The following ENAH variants were observed in gnomAD, a reference collection of about 807,000 sequenced individuals.
The protein encoded by ENAH is protein enabled homolog.
Under a neutral mutation model 78.7 loss-of-function variants are expected in ENAH, and 23 were observed. That is an observed-to-expected ratio of 0.29 (90% CI 0.21 to 0.41). The LOEUF (loss-of-function observed/expected upper bound fraction) is 0.41. ENAH is among the 10% of genes least tolerant of loss of function. The pLI is 1.00. For missense variants in ENAH, 544 were observed against 691.0 expected, an observed-to-expected ratio of 0.79 and a Z score of 2.39; for synonymous variants, 226 against 241.0, an observed-to-expected ratio of 0.94 and a Z score of 0.58.
At chr1:225,629,542 A>G (rs1268127425) in intron 1 of ENAH, among the ~76,000 whole-genome samples, 1 of 151,770 alleles carries the variant, frequency 6.6e-6, no homozygotes, top group East Asian at 1.9e-4. Flanking sequence ...AGCCGAGATC[A>G]TGCCACTGCA....
chr1:225,546,317 T>C (rs1176477674), intron 3 of ENAH, among the ~76,000 whole-genome samples: 4 of 152,188 alleles, frequency 2.6e-5, no homozygotes, highest in Non-Finnish European at 5.9e-5. Flanking sequence ...AATTATTAGA[T>C]ATAATTTCAA....
At chr1:225,540,519 T>A (rs1319941852) in intron 3 of ENAH, among the ~76,000 whole-genome samples, 1 of 151,864 alleles carries the variant, frequency 6.6e-6, no homozygotes, top group African/African-American at 2.4e-5. Context: ...GGGGAAAAAA[T>A]GAAGGCAGTG....
At chr1:225,582,382 C>T (rs2096823389) in intron 1 of ENAH, among the ~76,000 whole-genome samples, 1 of 152,134 alleles carries the variant, frequency 6.6e-6, no homozygotes, top group East Asian at 1.9e-4. Context: ...TGCAGGAAGG[C>T]ACTGGAGAAT....
At chr1:225,522,025 G>A (rs904705772) in intron 4 of ENAH, among the ~76,000 whole-genome samples, 1 of 152,126 alleles carries the variant, frequency 6.6e-6, no homozygotes, top group Admixed American at 6.5e-5. Flanking sequence ...TCGATCTCCT[G>A]ACCTCATGAT....
chr1:225,565,048 G>C (rs907080010), intron 2 of ENAH, among the ~76,000 whole-genome samples: 3 of 152,034 alleles, frequency 2.0e-5, no homozygotes, highest in Admixed American at 1.3e-4. Flanking sequence ...AATGTTTTAA[G>C]AAACATTCTA....
At chr1:225,611,050 C>T (rs2096985717) in intron 1 of ENAH, among the ~76,000 whole-genome samples, 2 of 152,254 alleles carry the variant, frequency 1.3e-5, no homozygotes, top group South Asian at 4.1e-4. Context: ...TGACGCTGTT[C>T]TGGGTCAGGT....
chr1:225,491,502 AAAAAAG>A lies in ENAH; in HGVS notation c.*6267_*6272del, dbSNP rs1223344627. On this transcript the variant is annotated 3_prime_UTR_variant, in exon 14 of 14. Coordinates refer to ENST00000366843, the MANE Select transcript of ENAH (RefSeq NM_018212.6). ...TAAAAAAAAAAATAAAAGAAAAAGAAAAAAAGAAAAGAGGTTTCACAGATGTGACTA... is the reference window on the plus strand; with the variant it reads ...TAAAAAAAAAAATAAAAGAAAAAGAAAAAAGAGGTTTCACAGATGTGACTA... The A allele has an allele frequency of 6.6e-6, 1 of 151,340 alleles. No individual in the cohort carries two copies. Among genetic ancestry groups the A allele is most frequent in the Non-Finnish European group, 1.5e-5 (1 of 67,962 alleles). The allele number at this position is 151,340 out of a possible 1,614,324, so 9.4% of individuals were successfully genotyped here. A position where few individuals can be genotyped will look rare whatever the true frequency, so the allele number is the denominator to read the frequency against.
chr1:225,535,910 C>G (rs1210622065), intron 3 of ENAH, among the ~76,000 whole-genome samples: 2 of 151,914 alleles, frequency 1.3e-5, no homozygotes, highest in Non-Finnish European at 2.9e-5. Context: ...GTAGAGGAAG[C>G]CAAGATCTGT....
chr1:225,539,503 T>C (rs990167773), intron 3 of ENAH, among the ~76,000 whole-genome samples: 5 of 152,216 alleles, frequency 3.3e-5, no homozygotes, highest in Admixed American at 3.3e-4. Context: ...TACATTAGCA[T>C]CATCTAATTA....
chr1:225,648,722 T>C (rs1015323444), intron 1 of ENAH, among the ~76,000 whole-genome samples: 1 of 151,442 alleles, frequency 6.6e-6, no homozygotes, highest in Non-Finnish European at 1.5e-5. Flanking sequence ...CACTTGACAC[T>C]TCACAAAACA....
At chr1:225,515,156 CTT>C (rs954466845) in intron 6 of ENAH, 1 of 368,698 alleles carries the variant, frequency 2.7e-6, no homozygotes, top group Non-Finnish European at 4.8e-6. Flanking sequence ...CTAATTAAGA[CTT>C]TTTTTTTTCA....
chr1:225,514,840 T>C lies in ENAH; in HGVS notation c.974A>G (p.Gln325Arg), dbSNP rs745538039. 5 of 1,594,664 alleles carry C rather than the reference T, an allele frequency of 3.1e-6. No individual in the cohort carries two copies. Among genetic ancestry groups the C allele is most frequent in the South Asian group, 2.3e-5 (2 of 88,342 alleles). The change falls in exon 7 of 14, where the codon CAG becomes CGG. Residue 325 changes from glutamine (Q) to arginine (R), a missense_variant. By Grantham distance (43) the Gln-to-Arg change is conservative (BLOSUM62 1). Coordinates refer to ENST00000366843, the MANE Select transcript of ENAH (RefSeq NM_018212.6). The part of the protein sequence containing the change: ...PPPPLPPGPA[Q>R]ASVALPPPPG... Reference sequence around the variant, plus strand: ...GGGAGGAGGGAGGGCTACTGAAGCCTGTGCAGGCCCTGGTGGGAGTGGTGG... The same window carrying C: ...GGGAGGAGGGAGGGCTACTGAAGCCCGTGCAGGCCCTGGTGGGAGTGGTGG...
chr1:225,650,330 G>T (rs1662726043), intron 1 of ENAH, among the ~76,000 whole-genome samples: 1 of 152,164 alleles, frequency 6.6e-6, no homozygotes, highest in Admixed American at 6.5e-5. Flanking sequence ...ACATCAGCGT[G>T]GTTCCTCTCT....
intron 1 of ENAH, 55 bp downstream of exon 1, chr1:225,652,631 T>TCGCGGCTCC (rs1663251355): frequency 8.0e-7 from 1 of 1,253,816 alleles, no homozygotes; most frequent in Non-Finnish European, 1.0e-6. Context: ...AGAACGGGGG[T>TCGCGGCTCC]CGCGGCTCCC....
intron 1 of ENAH, among the ~76,000 whole-genome samples, chr1:225,632,343 C>A (rs942035640): frequency 3.3e-5 from 5 of 151,918 alleles, no homozygotes; most frequent in African/African-American, 1.2e-4. Flanking sequence ...ACTGAAAATA[C>A]AAAAATTAGT....
chr1:225,589,953 T>C (rs1351892667), intron 1 of ENAH, among the ~76,000 whole-genome samples: 2 of 152,162 alleles, frequency 1.3e-5, no homozygotes, highest in Non-Finnish European at 2.9e-5. Context: ...GAATGTCATG[T>C]TTTATTTCTC....
chr1:225,543,135 T>C (rs1166576800), intron 3 of ENAH, among the ~76,000 whole-genome samples: 1 of 152,128 alleles, frequency 6.6e-6, no homozygotes, highest in Non-Finnish European at 1.5e-5. Context: ...TTCCTAGCAA[T>C]ATAAGGCTAA....
In ENAH at chr1:225,487,922, T is replaced by C. The variant is rs1034642090; in HGVS notation, c.*9853A>G. ...GTGCTGTTCTACTATATACTTTTGG[T>C]CTATCAACTTGGTAGGCCTGAAAAA... On this transcript the variant is annotated 3_prime_UTR_variant, in exon 14 of 14. Transcript: ENST00000366843. The C allele has an allele frequency of 4.6e-5, 7 of 152,136 alleles. No homozygotes were observed. The highest frequency in any genetic ancestry group is 1.7e-4 in the African/African-American group (7 of 41,418). 9.4% of individuals were successfully genotyped at this position (152,136 alleles called of 1,614,324 possible). A position where few individuals can be genotyped will look rare whatever the true frequency, so the allele number is the denominator to read the frequency against.
At chr1:225,571,975 T>A (rs1437162765) in intron 1 of ENAH, among the ~76,000 whole-genome samples, 1 of 152,172 alleles carries the variant, frequency 6.6e-6, no homozygotes, top group African/African-American at 2.4e-5. Context: ...TTGGGAATCA[T>A]TCTAGCAAAT....
Sources: gnomAD v4.1 joint callset for allele counts (sites outside exome capture counted in the v4.1 genomes callset) on GRCh38, gnomAD v4.1.1 for gene constraint, MANE v1.5 for transcripts, NCBI Gene and HGNC (gene_info 2026-07-23, HGNC 2026-07-21) for gene names.